Variants in XDH observed in about 807,000 individuals in gnomAD.
XDH encodes the protein xanthine dehydrogenase/oxidase.
Under a neutral mutation model 156.1 loss-of-function variants are expected in XDH, and 138 were observed. The ratio of observed to expected loss-of-function variants is 0.88; its 90% confidence interval spans 0.77 to 1.02. XDH has a LOEUF of 1.02. Ranked by LOEUF, XDH falls within the 50% of genes least tolerant of loss-of-function variation. The probability of loss-of-function intolerance (pLI) is 0.00; values close to 1 mark genes in which losing one functional copy is unlikely to be tolerated. For synonymous variants in XDH, 669 were observed against 625.7 expected (o/e 1.07, Z -1.03); for missense variants, 1,849 against 1,684.9 (o/e 1.10, Z -1.71).
Position 31,394,284 on chromosome 2 carries a change from C to T in XDH, c.495+3384G>A, listed in dbSNP as rs751440881. ...CTCACTCGCTTTTGAAGGATACTTACGGAGGTTACAGAATTTTAGGTGCTT... is the reference window on the plus strand; with the variant it reads ...CTCACTCGCTTTTGAAGGATACTTATGGAGGTTACAGAATTTTAGGTGCTT... On this transcript the variant is annotated intron_variant, in intron 6 of 35. Transcript: ENST00000379416. 2.6e-5 allele frequency among the ~76,000 whole-genome samples: 4 copies of T among 152,034 alleles called. 1 individual carries two copies. The highest frequency in any genetic ancestry group is 4.4e-5 in the Non-Finnish European group (3 of 68,008).
chr2:31,372,343 G>A lies in XDH; in HGVS notation c.1741C>T (p.Leu581=), dbSNP rs1686096395. 1.2e-6 allele frequency: 2 copies of A among 1,614,056 alleles called. No homozygotes were observed. The highest frequency in any genetic ancestry group is 3.3e-5 in the Admixed American group (2 of 60,014). ...EDMVGRPLPH[L]AADMQASGEA... is the part of the protein sequence containing the mutation. ...CCAGAGGCCTGCATGTCCGCTGCCA[G>A]GTGGGGCAGGGGCCGGCCCACCATG... The change falls in exon 17 of 36, where the codon CTG becomes TTG. Residue 581 remains leucine (L), a synonymous_variant. Transcript: ENST00000379416.
intron 6 of XDH, among the ~76,000 whole-genome samples, chr2:31,390,032 C>T (rs994620703): frequency 2.0e-5 from 3 of 152,094 alleles, no homozygotes; most frequent in African/African-American, 7.2e-5. Flanking sequence ...ACCCAAAGTC[C>T]ATTAATTTAC....
chr2:31,389,364 C>T (rs905438995), intron 6 of XDH, among the ~76,000 whole-genome samples: 4 of 152,286 alleles, frequency 2.6e-5, no homozygotes, highest in African/African-American at 7.2e-5. Flanking sequence ...CACGCTGCTC[C>T]GTGTGCAGAC....
At chr2:31,347,410 G>A (rs1685329473) in intron 29 of XDH, 112 bp downstream of exon 29, 1 of 1,527,520 alleles carries the variant, frequency 6.5e-7, no homozygotes. Flanking sequence ...CAGAGGCCTG[G>A]CCAGAGCCAA....
chr2:31,396,775 T>C (rs1686916536), intron 6 of XDH, among the ~76,000 whole-genome samples: 1 of 152,210 alleles, frequency 6.6e-6, no homozygotes, highest in South Asian at 2.1e-4. Flanking sequence ...TTCATTTAAT[T>C]CCACACTTGT....
At chr2:31,379,776 T>G in intron 13 of XDH, 91 bp downstream of exon 13, 1 of 1,232,606 alleles carries the variant, frequency 8.1e-7, no homozygotes, top group Non-Finnish European at 1.2e-6. Flanking sequence ...GATGCTCAGG[T>G]TGGTCCCTGA....
chr2:31,387,247 G>A (rs1686635827), intron 8 of XDH, among the ~76,000 whole-genome samples: 1 of 152,156 alleles, frequency 6.6e-6, no homozygotes. Flanking sequence ...AAAACTCTGA[G>A]AAGTGTGCAC....
At chr2:31,365,144 T>C (rs983376473) in intron 23 of XDH, among the ~76,000 whole-genome samples, 1 of 152,334 alleles carries the variant, frequency 6.6e-6, no homozygotes, top group South Asian at 2.1e-4. Flanking sequence ...CATGTTAATG[T>C]TGGGCTACCA....
chr2:31,377,067 C>T lies in XDH; in HGVS notation c.1413G>A (p.Gln471=). The change falls in exon 14 of 36, where the codon CAG becomes CAA. Residue 471 remains glutamine (Q), a synonymous_variant. Coordinates refer to ENST00000379416, the MANE Select transcript of XDH (RefSeq NM_000379.4). ...TTAGCTCTTACTTGGAAAGCTGCCT[C>T]TGAGTGGTCTTGAGGGCTGAGATGG... ...NRTISALKTT[Q]RQLSKLWKEE... 6.2e-7 allele frequency: 1 copy of T among 1,614,136 alleles called. No homozygotes were observed. Among genetic ancestry groups the T allele is most frequent in the South Asian group, 1.1e-5 (1 of 91,080 alleles).
chr2:31,368,252 T>C lies in XDH; in HGVS notation c.2101-195A>G, dbSNP rs144102350. Among the ~76,000 whole-genome samples, 204 of 152,228 alleles carry C rather than the reference T, an allele frequency of 1.3e-3. 1 individual carries two copies. Among genetic ancestry groups the C allele is most frequent in the Non-Finnish European group, 2.3e-3 (154 of 68,006 alleles). ...TCATATTCCTCCATTTCCTCAGCTG[T>C]AGGTGGACAACCCTGGACCTTGAGG... On this transcript the variant is annotated intron_variant, in intron 19 of 35. Transcript: ENST00000379416.
intron 4 of XDH, 119 bp downstream of exon 4, chr2:31,401,101 T>C (rs1372990743): frequency 2.6e-6 from 3 of 1,154,966 alleles, no homozygotes; most frequent in Non-Finnish European, 1.3e-6. Context: ...AAATGCCTTC[T>C]TAGATTAAGC....
chr2:31,387,842 G>A lies in XDH; in HGVS notation c.620C>T (p.Thr207Ile), dbSNP rs751003838. 13 of 1,588,266 alleles carry A rather than the reference G, an allele frequency of 8.2e-6. No homozygotes were observed. Among genetic ancestry groups the A allele is most frequent in the Non-Finnish European group, 1.1e-5 (13 of 1,167,690 alleles). ...CTCTGGGGGAAAAATGGGCTCCTGGGTTGGATCCAGGGGCGTGAACTCCTC... is the reference window on the plus strand; with the variant it reads ...CTCTGGGGGAAAAATGGGCTCCTGGATTGGATCCAGGGGCGTGAACTCCTC... ...KPEEFTPLDP[T>I]QEPIFPPELL... is the part of the protein sequence containing the mutation. The change falls in exon 8 of 36, where the codon ACC becomes ATC. Residue 207 changes from threonine to isoleucine, a missense_variant. By Grantham distance (89) the Thr-to-Ile change is moderately conservative. Transcript: ENST00000379416.
At chr2:31,364,295 C>T (rs757723054) in intron 23 of XDH, 51 bp from the exon 24 acceptor site, 22 of 1,570,764 alleles carry the variant, frequency 1.4e-5, no homozygotes, top group Middle Eastern at 1.7e-4. Flanking sequence ...GTTTCCCCCA[C>T]CTCTCTGTCT....
intron 34 of XDH, among the ~76,000 whole-genome samples, chr2:31,338,402 A>G (rs1323292299): frequency 2.6e-5 from 4 of 152,178 alleles, no homozygotes; most frequent in Non-Finnish European, 5.9e-5. Context: ...AGCCACACCT[A>G]TTGGAGCAAA....
intron 6 of XDH, among the ~76,000 whole-genome samples, chr2:31,395,450 T>C (rs919009568): frequency 6.6e-6 from 1 of 152,190 alleles, no homozygotes; most frequent in Admixed American, 6.5e-5. Flanking sequence ...AGGACAGGCC[T>C]TTTTAAGAAG....
At position 31,335,857 on chromosome 2, in the gene XDH, G is replaced by T. The variant is rs1272000133; in HGVS notation, c.*101C>A. On this transcript the variant is annotated 3_prime_UTR_variant, in exon 36 of 36. Transcript: ENST00000379416. ...TCCCATCTTGACAAATCACAGGTCTGTCATTCTGTGACTTTAATAGATCCA... is the reference window on the plus strand; with the variant it reads ...TCCCATCTTGACAAATCACAGGTCTTTCATTCTGTGACTTTAATAGATCCA... 5 of 1,342,518 alleles carry T rather than the reference G, an allele frequency of 3.7e-6. No homozygotes were observed. Among genetic ancestry groups the T allele is most frequent in the Non-Finnish European group, 5.4e-6 (5 of 933,764 alleles). The allele number at this position is 1,342,518 out of a possible 1,614,324, so 83.2% of individuals were successfully genotyped here. A position where few individuals can be genotyped will look rare whatever the true frequency, so the allele number is the denominator to read the frequency against.
At chr2:31,361,098 A>G (rs1835171) in intron 24 of XDH, among the ~76,000 whole-genome samples, 50,586 of 152,152 alleles carry the variant, frequency 0.33, 10,115 homozygotes, top group African/African-American at 0.55. Context: ...ACAAGTAAAG[A>G]CTTCACCAGG....
chr2:31,378,119 G>A (rs370987357), intron 13 of XDH, among the ~76,000 whole-genome samples: 4,377 of 33,962 alleles, frequency 0.13, 92 homozygotes, highest in Admixed American at 0.2. Context: ...AGGAAGGAAG[G>A]AAGGAAGGAA....
chr2:31,387,971 T>C (rs1421964617), intron 7 of XDH, 74 bp from the exon 8 acceptor site: 4 of 1,483,838 alleles, frequency 2.7e-6, no homozygotes, highest in Non-Finnish European at 3.7e-6. Context: ...AATTCAGCCT[T>C]TCCTTCCAGC....
Sources: allele counts gnomAD v4.1 joint callset (sites outside exome capture counted in the v4.1 genomes callset), GRCh38; gene constraint gnomAD v4.1.1; transcripts MANE v1.5; gene names NCBI Gene and HGNC (gene_info 2026-07-23, HGNC 2026-07-21).